The following PDGFD variants were observed in gnomAD, a reference collection of about 807,000 sequenced individuals.
PDGFD encodes the protein platelet-derived growth factor D.
PDGFD carries 30 observed loss-of-function variants against 44.7 expected under a neutral mutation model. The observed-to-expected ratio is 0.67, with a 90% CI of 0.50 to 0.91. The LOEUF (loss-of-function observed/expected upper bound fraction) is 0.91, where lower values mean the gene tolerates loss of function less well. Among genes scored for constraint, PDGFD ranks in the 40% least tolerant of loss-of-function variants. The pLI is 0.00. For missense variants in PDGFD, 445 were observed against 457.8 expected (o/e 0.97, Z 0.25); for synonymous variants, 173 against 168.4 (o/e 1.03, Z -0.21).
intron 1 of PDGFD, among the ~76,000 whole-genome samples, chr11:104,063,044 T>C (rs1247666801): frequency 6.6e-6 from 1 of 152,178 alleles, no homozygotes; most frequent in Non-Finnish European, 1.5e-5. Flanking sequence ...TCCAGTAAAC[T>C]AGGGCAATTG....
chr11:104,127,715 A>ATG (rs1215608587), intron 1 of PDGFD, among the ~76,000 whole-genome samples: 10 of 151,794 alleles, frequency 6.6e-5, no homozygotes, highest in African/African-American at 2.4e-4. Flanking sequence ...GTGTGTGTGC[A>ATG]TGTGTGTGTG....
rs1006326119 is a variant in PDGFD, at chr11:104,098,210, G to A, written c.124+65594C>T. On this transcript the variant is annotated intron_variant, in intron 1 of 6. Transcript: ENST00000393158. Reference sequence around the variant, plus strand: ...GCCTACTATGTGTATGACTCAGGGCGAGGCATTTATTTGGTGAGAGAAAAG... The same window carrying A: ...GCCTACTATGTGTATGACTCAGGGCAAGGCATTTATTTGGTGAGAGAAAAG... Among the ~76,000 whole-genome samples, 9 of 152,092 alleles carry A rather than the reference G, an allele frequency of 5.9e-5. 1 individual carries two copies. The highest frequency in any genetic ancestry group is 3.9e-4 in the East Asian group (2 of 5,184).
rs1271557156 is a variant in PDGFD at position 104,119,142 on chromosome 11, T to A, written c.124+44662A>T. ...ATATATTGATATAATATATAATATA[T>A]TAATATAATATATTGATATAACATA... On this transcript the variant is annotated intron_variant, in intron 1 of 6. Coordinates refer to ENST00000393158, the MANE Select transcript of PDGFD (RefSeq NM_025208.5). Among the ~76,000 whole-genome samples, 226 of 25,072 alleles carry A rather than the reference T, an allele frequency of 9.0e-3. 19 individuals are homozygous for A. Among genetic ancestry groups the A allele is most frequent in the Non-Finnish European group, 9.9e-3 (137 of 13,816 alleles). 16.4% of individuals were successfully genotyped at this position (25,072 alleles called of 152,430 possible). A position where few individuals can be genotyped will look rare whatever the true frequency, so the allele number is the denominator to read the frequency against.
At chr11:104,032,832 C>A (rs879532957) in intron 1 of PDGFD, among the ~76,000 whole-genome samples, 1 of 151,872 alleles carries the variant, frequency 6.6e-6, no homozygotes, top group Non-Finnish European at 1.5e-5. Flanking sequence ...CCTGGAGACT[C>A]TGCAGGAATC....
chr11:104,000,614 C>A (rs1859605974), intron 1 of PDGFD, among the ~76,000 whole-genome samples: 1 of 152,138 alleles, frequency 6.6e-6, no homozygotes, highest in African/African-American at 2.4e-5. Context: ...TTCTAGTATC[C>A]CCCACCTCCC....
intron 1 of PDGFD, among the ~76,000 whole-genome samples, chr11:104,086,312 G>C (rs1861130259): frequency 6.6e-6 from 1 of 152,170 alleles, no homozygotes; most frequent in Non-Finnish European, 1.5e-5. Flanking sequence ...TATGTAAAAA[G>C]CCTGGAGGAA....
At chr11:104,036,633 A>T (rs1290393292) in intron 1 of PDGFD, 2 of 602,564 alleles carry the variant, frequency 3.3e-6, no homozygotes, top group African/African-American at 3.7e-5. Context: ...CTGGCCACAC[A>T]GCAGGCACTG....
intron 1 of PDGFD, among the ~76,000 whole-genome samples, chr11:104,078,264 C>T (rs572133): frequency 0.47 from 72,029 of 151,930 alleles, 18,969 homozygotes; most frequent in African/African-American, 0.72. Context: ...CATACAACAG[C>T]GGCATTAACT....
intron 5 of PDGFD, among the ~76,000 whole-genome samples, chr11:103,928,483 A>T (rs1591080417): frequency 6.6e-6 from 1 of 152,354 alleles, no homozygotes; most frequent in East Asian, 1.9e-4. Context: ...AGAGGTCAAA[A>T]GTCAAGGACA....
chr11:103,972,117 T>G (rs959668501), intron 3 of PDGFD, among the ~76,000 whole-genome samples: 1 of 152,232 alleles, frequency 6.6e-6, no homozygotes, highest in Non-Finnish European at 1.5e-5. Flanking sequence ...TAACTCTGAA[T>G]GGTAAAATGT....
intron 3 of PDGFD, among the ~76,000 whole-genome samples, chr11:103,985,703 TAGG>T (rs1488473284): frequency 1.3e-5 from 2 of 149,214 alleles, no homozygotes; most frequent in African/African-American, 5.2e-5. Flanking sequence ...ACTAGAATGT[TAGG>T]CTGTGGTCAG....
intron 1 of PDGFD, among the ~76,000 whole-genome samples, chr11:104,059,635 T>C (rs1860680250): frequency 6.6e-6 from 1 of 152,220 alleles, no homozygotes; most frequent in Admixed American, 6.5e-5. Flanking sequence ...GGTGCCTTTT[T>C]CTTCTCTCTC....
intron 3 of PDGFD, among the ~76,000 whole-genome samples, chr11:103,995,705 C>G (rs886691319): frequency 3.3e-5 from 5 of 152,154 alleles, no homozygotes; most frequent in Admixed American, 2.0e-4. Context: ...AAATTATTTT[C>G]TTTAGCTTTA....
chr11:103,947,765 G>C, intron 3 of PDGFD, 41 bp from the exon 4 acceptor site: 1 of 1,447,220 alleles, frequency 6.9e-7, no homozygotes, highest in Non-Finnish European at 9.7e-7. Flanking sequence ...TCAAACCTCT[G>C]TTCAATTCAT....
chr11:103,988,236 A>G (rs920858799), intron 3 of PDGFD, among the ~76,000 whole-genome samples: 4 of 152,106 alleles, frequency 2.6e-5, no homozygotes, highest in African/African-American at 9.7e-5. Context: ...GAAAGGTTAT[A>G]TGCATATAAA....
intron 6 of PDGFD, among the ~76,000 whole-genome samples, chr11:103,918,042 G>A (rs751431548): frequency 6.6e-6 from 1 of 152,196 alleles, no homozygotes; most frequent in Non-Finnish European, 1.5e-5. Context: ...AGGGCACTCT[G>A]CTGATGCAGA....
At chr11:104,104,390 C>T (rs1861441639) in intron 1 of PDGFD, among the ~76,000 whole-genome samples, 1 of 151,332 alleles carries the variant, frequency 6.6e-6, no homozygotes, top group Admixed American at 6.6e-5. Context: ...TTCACTTTCA[C>T]TTACCACTCA....
At chr11:104,037,492 G>A in intron 1 of PDGFD, 1 of 1,614,130 alleles carries the variant, frequency 6.2e-7, no homozygotes. Context: ...GCAAAACATT[G>A]AAGAAAACAT....
rs1033800486 is a variant in PDGFD at position 103,996,346 on chromosome 11, A to G, written c.330-101T>C. Reference sequence around the variant, plus strand: ...AAACTAGCATATATGATTTGTCATGACCACAATCTGAAATGAAAATTATAA... The same window carrying G: ...AAACTAGCATATATGATTTGTCATGGCCACAATCTGAAATGAAAATTATAA... On this transcript the variant is annotated intron_variant, in intron 2 of 6. Coordinates refer to ENST00000393158, the MANE Select transcript of PDGFD (RefSeq NM_025208.5). 15 of 1,026,172 alleles carry G rather than the reference A, an allele frequency of 1.5e-5. No homozygotes were observed. In the African/African-American group the frequency reaches 2.5e-4, roughly 17 times the overall value. The allele number at this position is 1,026,172 out of a possible 1,614,324, so 63.6% of individuals were successfully genotyped here. A position where few individuals can be genotyped will look rare whatever the true frequency, so the allele number is the denominator to read the frequency against.
Sources: gnomAD v4.1 joint callset for allele counts (sites outside exome capture counted in the v4.1 genomes callset) on GRCh38, gnomAD v4.1.1 for gene constraint, MANE v1.5 for transcripts, NCBI Gene and HGNC (gene_info 2026-07-23, HGNC 2026-07-21) for gene names.